Variants in ACSS1 observed in about 807,000 individuals in gnomAD.
ACSS1 encodes acyl-CoA synthetase short chain family member 1, also known as acetyl-coenzyme A synthetase 2-like, mitochondrial.
Under a neutral mutation model 75.3 loss-of-function variants are expected in ACSS1, and 42 were observed. The observed-to-expected ratio is 0.56, with a 90% CI of 0.44 to 0.72. The LOEUF (loss-of-function observed/expected upper bound fraction) is 0.72. Among genes scored for constraint, ACSS1 ranks in the 30% least tolerant of loss-of-function variants. ACSS1 has a pLI of 0.00. For synonymous variants in ACSS1, 380 were observed against 376.8 expected, an observed-to-expected ratio of 1.01 and a Z score of -0.10; for missense variants, 782 against 935.7, an observed-to-expected ratio of 0.84 and a Z score of 2.14.
rs192074151 is a variant in ACSS1, at chr20:25,019,237, G to A, written c.1246+773C>T. Among the ~76,000 whole-genome samples, 422 of 152,354 alleles carry A rather than the reference G, an allele frequency of 2.8e-3. 3 individuals are homozygous for A. The highest frequency in any genetic ancestry group is 1.0e-2 in the African/African-American group (414 of 41,584). ...GACATGAAATGTGGCAGGGACAGGA[G>A]AGAGAACAGCAGTCACCAGCACCCA... On this transcript the variant is annotated intron_variant, in intron 7 of 13. Coordinates refer to ENST00000323482, the MANE Select transcript of ACSS1 (RefSeq NM_032501.4).
chr20:25,030,296 A>G (rs1336767116), intron 3 of ACSS1, among the ~76,000 whole-genome samples: 1 of 152,172 alleles, frequency 6.6e-6, no homozygotes, highest in Non-Finnish European at 1.5e-5. Flanking sequence ...TGTCCAAAAC[A>G]CACTGACCCA....
chr20:25,045,771 C>G (rs954843066), intron 2 of ACSS1, among the ~76,000 whole-genome samples: 1 of 152,216 alleles, frequency 6.6e-6, no homozygotes, highest in Admixed American at 6.5e-5. Context: ...CATCAGAAAC[C>G]TAGCCTGACC....
chr20:25,018,296 T>C (rs769569367), intron 7 of ACSS1, among the ~76,000 whole-genome samples: 10 of 152,234 alleles, frequency 6.6e-5, no homozygotes, highest in South Asian at 2.1e-4. Context: ...CCTCACCAGA[T>C]GCCAACACCT....
intron 1 of ACSS1, among the ~76,000 whole-genome samples, chr20:25,055,816 C>CA (rs755058538): frequency 1.3e-5 from 2 of 152,152 alleles, no homozygotes; most frequent in South Asian, 4.1e-4. Flanking sequence ...CAGATCAGAC[C>CA]AAAGTGTTCT....
intron 3 of ACSS1, among the ~76,000 whole-genome samples, chr20:25,024,659 C>T (rs557202506): frequency 2.0e-5 from 3 of 152,304 alleles, no homozygotes; most frequent in Admixed American, 6.5e-5. Flanking sequence ...GCCACATTCC[C>T]GTCCAGAGCC....
At position 25,013,565 on chromosome 20, in the gene ACSS1, A is replaced by G. The variant is rs201013770; in HGVS notation, c.1550T>C (p.Phe517Ser). 1.2e-4 allele frequency: 187 copies of G among 1,606,114 alleles called. 1 individual carries two copies. The highest frequency in any genetic ancestry group is 6.0e-6 in the Non-Finnish European group (7 of 1,173,416). The change falls in exon 10 of 14, where the codon TTT (phenylalanine) becomes TCT (serine). Residue 517 changes from phenylalanine (F) to serine (S), a missense_variant. By Grantham distance (155) the Phe-to-Ser change is radical. This residue lies in a region of ACSS1 where 405 missense variants were observed against 552.6 expected (regional missense o/e 0.73). Transcript: ENST00000323482. ...ARTIYGDHQR[F>S]VDAYFKAYPG... ...GTAGGCCTTGAAGTAGGCGTCCACA[A>G]ATCGCTGGTGGTCGCCATAGATGGT...
intron 2 of ACSS1, among the ~76,000 whole-genome samples, chr20:25,043,733 G>A (rs1208116663): frequency 2.0e-5 from 3 of 152,210 alleles, no homozygotes; most frequent in Admixed American, 1.3e-4. Flanking sequence ...AGTGGCACAC[G>A]ATGCCTGTGC....
intron 2 of ACSS1, chr20:25,045,829 G>A (rs963689540): frequency 1.3e-5 from 2 of 152,260 alleles, no homozygotes; most frequent in African/African-American, 4.8e-5. Flanking sequence ...GCAATTACAG[G>A]TAACACTTTT....
chr20:25,022,954 C>A lies in ACSS1; in HGVS notation c.946G>T (p.Ala316Ser). Reference protein sequence around the residue: ...HTQAGYLLYAALTHKLVFDHQ... With the variant: ...HTQAGYLLYASLTHKLVFDHQ... ...CAGGCCTGTACCTTGTGAGTCAGGG[C>A]GGCATAGAGCAGGTAGCCTGCCTGG... The change falls in exon 5 of 14, where the codon GCC (alanine) becomes TCC (serine). Residue 316 changes from alanine (A) to serine (S), a missense_variant. Physicochemically the swap from Ala to Ser is moderately conservative, Grantham distance 99. Around this residue, in one of 2 missense-constraint regions of ACSS1, gnomAD observed 405 missense variants for 552.6 expected, o/e 0.73. Coordinates refer to ENST00000323482, the MANE Select transcript of ACSS1 (RefSeq NM_032501.4). 1 of 1,612,950 alleles carries A rather than the reference C, an allele frequency of 6.2e-7. No homozygotes were observed. The highest frequency in any genetic ancestry group is 8.5e-7 in the Non-Finnish European group (1 of 1,179,642).
At chr20:25,020,281 A>T in intron 6 of ACSS1, 134 bp from the exon 7 acceptor site, 2 of 1,118,406 alleles carry the variant, frequency 1.8e-6, no homozygotes. Flanking sequence ...GATCCCCCCA[A>T]CCCCCCACCC....
At position 25,020,165 on chromosome 20, in the gene ACSS1, T is replaced by C. The variant is rs1397680224; in HGVS notation, c.1109-18A>G. 3.7e-6 allele frequency: 6 copies of C among 1,613,832 alleles called. No homozygotes were observed. ...GTACCGACCTACAGAAAGGCCGAAATTCACTGTCAGCAGGAGAGCTGACAT... is the reference window on the plus strand; with the variant it reads ...GTACCGACCTACAGAAAGGCCGAAACTCACTGTCAGCAGGAGAGCTGACAT... On this transcript the variant is annotated intron_variant, in intron 6 of 13. Coordinates refer to ENST00000323482, the MANE Select transcript of ACSS1 (RefSeq NM_032501.4).
intron 3 of ACSS1, among the ~76,000 whole-genome samples, chr20:25,025,667 C>T (rs540446547): frequency 3.9e-5 from 6 of 152,252 alleles, no homozygotes; most frequent in East Asian, 1.9e-4. Context: ...CAGTTCCACG[C>T]GACTGAGGGA....
At chr20:25,042,446 T>C (rs557915204) in intron 2 of ACSS1, among the ~76,000 whole-genome samples, 1 of 152,162 alleles carries the variant, frequency 6.6e-6, no homozygotes, top group Non-Finnish European at 1.5e-5. Flanking sequence ...ACTCCACGCC[T>C]CACCCCACCA....
chr20:25,044,355 C>T (rs977735409), intron 2 of ACSS1, among the ~76,000 whole-genome samples: 3 of 152,228 alleles, frequency 2.0e-5, no homozygotes, highest in African/African-American at 7.2e-5. Flanking sequence ...CGGCCAGGCG[C>T]GGTGGCTCAC....
chr20:25,009,483 AG>A (rs2088369415), intron 12 of ACSS1, 95 bp from the exon 13 acceptor site: 1 of 982,946 alleles, frequency 1.0e-6, no homozygotes, highest in Non-Finnish European at 1.6e-6. Flanking sequence ...AGAAATCCGA[AG>A]GGCTTTTGAA....
chr20:25,032,571 G>A (rs1277738750), intron 2 of ACSS1: 1 of 1,246,580 alleles, frequency 8.0e-7, no homozygotes, highest in Non-Finnish European at 1.0e-6. Flanking sequence ...TTTCTCTCTG[G>A]GCGGGGCAGA....
At chr20:25,057,088 G>A (rs1291883451) in intron 1 of ACSS1, among the ~76,000 whole-genome samples, 2 of 152,184 alleles carry the variant, frequency 1.3e-5, no homozygotes, top group Non-Finnish European at 1.5e-5. Flanking sequence ...CAGACCCCGC[G>A]GGTCCAAAGC....
At chr20:25,010,939 G>A (rs753502982) in intron 12 of ACSS1, 1 of 152,040 alleles carries the variant, frequency 6.6e-6, no homozygotes, top group Non-Finnish European at 1.5e-5. Flanking sequence ...AGAGAGAGTG[G>A]GGACAAATAT....
At position 25,022,966 on chromosome 20, in the gene ACSS1, G is replaced by A; in HGVS notation, c.934C>T (p.Leu312=). The part of the protein sequence containing the change: ...KGIVHTQAGY[L]LYAALTHKLV... ...TTGTGAGTCAGGGCGGCATAGAGCAGGTAGCCTGCCTGGGTATGGACGATG... is the reference window on the plus strand; with the variant it reads ...TTGTGAGTCAGGGCGGCATAGAGCAAGTAGCCTGCCTGGGTATGGACGATG... Residue 312 remains leucine, a synonymous_variant, in exon 5 of 14, where the codon CTG becomes TTG. Transcript: ENST00000323482. 6.2e-7 allele frequency: 1 copy of A among 1,613,886 alleles called. No individual in the cohort carries two copies.
Sources: gnomAD v4.1 joint callset for allele counts (sites outside exome capture counted in the v4.1 genomes callset) on GRCh38, gnomAD v4.1.1 for gene constraint, gnomAD v4.1.1 regional missense constraint, MANE v1.5 for transcripts, NCBI Gene and HGNC (gene_info 2026-07-23, HGNC 2026-07-21) for gene names.